Variants in PRKDC observed in about 807,000 individuals in gnomAD.
The protein encoded by PRKDC is protein kinase, DNA-activated, catalytic subunit.
Under a neutral mutation model 486.9 loss-of-function variants are expected in PRKDC, and 82 were observed. That is an observed-to-expected ratio of 0.17 (90% CI 0.14 to 0.20). The LOEUF (loss-of-function observed/expected upper bound fraction) is 0.20, where lower values mean the gene tolerates loss of function less well. Among genes scored for constraint, PRKDC ranks in the 10% least tolerant of loss-of-function variants. The pLI is 1.00. For missense variants in PRKDC, 4,504 were observed against 5,038.2 expected (o/e 0.89, Z 3.21); for synonymous variants, 1,895 against 1,837.0 (o/e 1.03, Z -0.81).
intron 71 of PRKDC, 47 bp downstream of exon 71, chr8:47,800,746 T>C (rs774900917): frequency 2.0e-6 from 3 of 1,501,204 alleles, no homozygotes; most frequent in Non-Finnish European, 2.7e-6. Context: ...CACTGCACAT[T>C]GAAGACATAC....
intron 66 of PRKDC, among the ~76,000 whole-genome samples, chr8:47,820,346 C>G (rs1019939827): frequency 3.3e-5 from 5 of 152,024 alleles, no homozygotes; most frequent in Admixed American, 3.3e-4. Flanking sequence ...TTGCACTCCA[C>G]TGTCTAGGCG....
In PRKDC at chr8:47,784,975, A is replaced by C. The variant is rs1021938569; in HGVS notation, c.11107+138T>G. On this transcript the variant is annotated intron_variant, in intron 77 of 85. Coordinates refer to ENST00000314191, the MANE Select transcript of PRKDC (RefSeq NM_006904.7). ...TTATGGATTTTCCTAATGATGAAAA[A>C]TTCGGTGAATTTTAAAATTCTTTAA... 6 of 822,322 alleles carry C rather than the reference A, an allele frequency of 7.3e-6. No homozygotes were observed. The Admixed American group carries it at 1.1e-4, about 15-fold the overall frequency. The allele number at this position is 822,322 out of a possible 1,614,324, so 50.9% of individuals were successfully genotyped here.
chr8:47,778,638 T>C lies in PRKDC; in HGVS notation c.11674A>G (p.Thr3892Ala), dbSNP rs778534497. The C allele has an allele frequency of 6.2e-6, 10 of 1,613,586 alleles. No individual in the cohort carries two copies. The Admixed American group carries it at 1.5e-4, about 24-fold the overall frequency. ...AGCGCCAGGAAAGCCTCAGGGCTTG[T>C]ACTCATCCTCACGAAGGCCCGCCTA... is the stretch of plus-strand genomic sequence containing the variant. ...LLKRAFVRMS[T>A]SPEAFLALRS... The change falls in exon 83 of 86, where the codon ACA (threonine) becomes GCA (alanine). Residue 3892 changes from threonine (T) to alanine (A), a missense_variant. By Grantham distance (58) the Thr-to-Ala change is moderately conservative (BLOSUM62 0). Transcript: ENST00000314191.
intron 64 of PRKDC, among the ~76,000 whole-genome samples, chr8:47,823,151 T>C (rs564135205): frequency 6.6e-6 from 1 of 151,856 alleles, no homozygotes; most frequent in Non-Finnish European, 1.5e-5. Flanking sequence ...CTGGGCAACA[T>C]AGTGACACCT....
chr8:47,943,696 G>A (rs1352354778), intron 9 of PRKDC, among the ~76,000 whole-genome samples, 157 bp downstream of exon 9: 1 of 152,202 alleles, frequency 6.6e-6, no homozygotes, highest in South Asian at 2.1e-4. Flanking sequence ...TTCAACCAGA[G>A]CTTACTAAGT....
Position 47,936,345 on chromosome 8 carries a change from T to C in PRKDC, c.1278+8A>G, listed in dbSNP as rs1329821739. The C allele has an allele frequency of 6.3e-7, 1 of 1,599,282 alleles. No individual in the cohort carries two copies. The highest frequency in any genetic ancestry group is 8.5e-7 in the Non-Finnish European group (1 of 1,172,726). Reference sequence around the variant, plus strand: ...TACTTAAAATTGTGCTCAGTTTAGTTCACTTACTGTGTCAAGGTACAGCAA... The same window carrying C: ...TACTTAAAATTGTGCTCAGTTTAGTCCACTTACTGTGTCAAGGTACAGCAA... On this transcript the variant is annotated splice_region_variant and intron_variant, in intron 12 of 85. Transcript: ENST00000314191.
chr8:47,956,059 A>T, intron 3 of PRKDC, 111 bp from the exon 4 acceptor site: 1 of 803,476 alleles, frequency 1.2e-6, no homozygotes, highest in Non-Finnish European at 2.0e-6. Flanking sequence ...TTCAGTATTT[A>T]GCTGTGGAAA....
At chr8:47,798,028 T>C (rs2154498132) in intron 73 of PRKDC, among the ~76,000 whole-genome samples, 1 of 152,366 alleles carries the variant, frequency 6.6e-6, no homozygotes, top group Middle Eastern at 3.4e-3. Flanking sequence ...ACAGTGTTTT[T>C]ATCAACACCC....
intron 39 of PRKDC, among the ~76,000 whole-genome samples, chr8:47,879,015 G>T (rs541318276): frequency 4.6e-5 from 7 of 152,158 alleles, no homozygotes; most frequent in Non-Finnish European, 1.0e-4. Flanking sequence ...GGATAATCAC[G>T]AAATGCTTCT....
chr8:47,953,965 A>G, intron 5 of PRKDC, 46 bp from the exon 6 acceptor site: 1 of 1,192,518 alleles, frequency 8.4e-7, no homozygotes, highest in Non-Finnish European at 1.2e-6. Context: ...ACTACATTTA[A>G]ATAAGTTAAA....
intron 25 of PRKDC, among the ~76,000 whole-genome samples, chr8:47,906,064 C>T (rs555641347): frequency 2.0e-5 from 3 of 152,302 alleles, no homozygotes; most frequent in Non-Finnish European, 4.4e-5. Flanking sequence ...GAGTAAAATG[C>T]TGGCCAGGCG....
At position 47,821,696 on chromosome 8, in the gene PRKDC, C is replaced by A; in HGVS notation, c.9019G>T (p.Glu3007Ter). The change falls in exon 65 of 86, where the codon GAG becomes TAG. Residue 3007 changes from glutamate to a stop codon, truncating the protein, a stop_gained. Transcript: ENST00000314191. LOFTEE classifies it high-confidence loss of function. ...ASLDCYNHLA[E>*]WKSLEYCSTA... ...GAACAGTATTCAAGTGATTTCCACT[C>A]AGCAAGGTGGTTGTAACAGTCAAGG... 2 of 1,601,662 alleles carry A rather than the reference C, an allele frequency of 1.2e-6. No homozygotes were observed. The highest frequency in any genetic ancestry group is 1.7e-5 in the Admixed American group (1 of 58,340).
At chr8:47,862,751 C>T (rs1204854809) in intron 42 of PRKDC, among the ~76,000 whole-genome samples, 4 of 152,192 alleles carry the variant, frequency 2.6e-5, no homozygotes, top group Non-Finnish European at 4.4e-5. Context: ...TCTTGCAACA[C>T]AGTGGTCAGT....
intron 54 of PRKDC, among the ~76,000 whole-genome samples, chr8:47,843,445 C>A (rs2088197054): frequency 6.6e-6 from 1 of 152,070 alleles, no homozygotes; most frequent in South Asian, 2.1e-4. Context: ...TATTGGAATT[C>A]CTGAAAGAGA....
intron 7 of PRKDC, among the ~76,000 whole-genome samples, chr8:47,944,506 A>G (rs1479762556): frequency 6.6e-6 from 1 of 152,058 alleles, no homozygotes; most frequent in Non-Finnish European, 1.5e-5. Context: ...AAAAACAGAA[A>G]AAAAAACATA....
At chr8:47,958,788 T>G (rs1229451945) in intron 1 of PRKDC, among the ~76,000 whole-genome samples, 2 of 149,518 alleles carry the variant, frequency 1.3e-5, no homozygotes, top group Non-Finnish European at 3.0e-5. Context: ...CAGGCTGGAG[T>G]GCAGTGGCAC....
Position 47,782,992 on chromosome 8 carries a change from C to T in PRKDC, c.11176-394G>A, listed in dbSNP as rs1294173962. On this transcript the variant is annotated intron_variant, in intron 78 of 85. Coordinates refer to ENST00000314191, the MANE Select transcript of PRKDC (RefSeq NM_006904.7). The surrounding 1 kb of genome is among the most constrained non-coding windows in gnomAD (Gnocchi z 4.9). ...CTGGAGACATAATATATTAAGAAAC[C>T]CAGGGCCGGGAGCAGTGGCTTACGC... 1 of 202,468 alleles carries T rather than the reference C, an allele frequency of 4.9e-6. No homozygotes were observed. Among genetic ancestry groups the T allele is most frequent in the African/African-American group, 2.3e-5 (1 of 43,074 alleles). 12.5% of individuals were successfully genotyped at this position (202,468 alleles called of 1,614,324 possible). A position where few individuals can be genotyped will look rare whatever the true frequency, so the allele number is the denominator to read the frequency against.
chr8:47,882,448 G>A lies in PRKDC; in HGVS notation c.4777-351C>T, dbSNP rs1186441631. Among the ~76,000 whole-genome samples the A allele has an allele frequency of 3.3e-5, 5 of 151,072 alleles. 1 individual carries two copies. In the South Asian group the frequency reaches 8.5e-4, roughly 26 times the overall value. On this transcript the variant is annotated intron_variant, in intron 36 of 85. Coordinates refer to ENST00000314191, the MANE Select transcript of PRKDC (RefSeq NM_006904.7). ...TGTACACGCACAAGCACACAAATAT[G>A]CACATATGCACAAATGCACACTTCC...
rs745921001 is a variant in PRKDC at position 47,854,222 on chromosome 8, A to G, written c.6762-8T>C. 19 of 1,611,770 alleles carry G rather than the reference A, an allele frequency of 1.2e-5. No individual in the cohort carries two copies. Among genetic ancestry groups the G allele is most frequent in the Non-Finnish European group, 1.6e-5 (19 of 1,177,946 alleles). On this transcript the variant is annotated splice_region_variant and splice_polypyrimidine_tract_variant and intron_variant, in intron 50 of 85. Transcript: ENST00000314191. ...AACTTTTCAAATATTAACCTGAAAC[A>G]TAAGCACAAAGGAGAAAATTGAGAC...
Sources: gnomAD v4.1 joint callset for allele counts (sites outside exome capture counted in the v4.1 genomes callset) on GRCh38, gnomAD v4.1.1 for gene constraint, Gnocchi (gnomAD v3.1) non-coding constraint, MANE v1.5 for transcripts, NCBI Gene and HGNC (gene_info 2026-07-23, HGNC 2026-07-21) for gene names.